Variants in HMBOX1 observed in about 807,000 individuals in gnomAD.
HMBOX1 encodes homeobox containing 1.
A neutral mutation model predicts 54.5 loss-of-function variants in HMBOX1; 14 were observed. That is an observed-to-expected ratio of 0.26 (90% CI 0.17 to 0.40). The LOEUF (loss-of-function observed/expected upper bound fraction) is 0.40, where lower values mean the gene tolerates loss of function less well. Among genes scored for constraint, HMBOX1 ranks in the 10% least tolerant of loss-of-function variants. The pLI is 1.00. For missense variants in HMBOX1, 332 were observed against 514.4 expected (o/e 0.65, Z 3.43); for synonymous variants, 160 against 181.0 (o/e 0.88, Z 0.93).
intron 1 of HMBOX1, among the ~76,000 whole-genome samples, chr8:28,931,506 A>T (rs1290433978): frequency 6.6e-6 from 1 of 152,076 alleles, no homozygotes; most frequent in Non-Finnish European, 1.5e-5. Flanking sequence ...TCTCAGTGGG[A>T]TAGAGTGAAA....
At chr8:29,032,021 G>T (rs1415184269) in intron 6 of HMBOX1, among the ~76,000 whole-genome samples, 1 of 152,224 alleles carries the variant, frequency 6.6e-6, no homozygotes, top group Non-Finnish European at 1.5e-5. Flanking sequence ...AGGCTGCTGA[G>T]TGTCTGCTCA....
chr8:29,018,509 A>G (rs1388917042), intron 5 of HMBOX1, among the ~76,000 whole-genome samples: 1 of 152,208 alleles, frequency 6.6e-6, no homozygotes, highest in Non-Finnish European at 1.5e-5. Context: ...TTTGTCTCCT[A>G]CCTGCATAAA....
chr8:29,049,505 C>T lies in HMBOX1; in HGVS notation c.1125+457C>T, dbSNP rs1031223297. The T allele has an allele frequency of 1.0e-5, 15 of 1,431,080 alleles. 1 individual carries two copies. Among genetic ancestry groups the T allele is most frequent in the Non-Finnish European group, 1.4e-5 (15 of 1,090,586 alleles). The allele number at this position is 1,431,080 out of a possible 1,614,324, so 88.6% of individuals were successfully genotyped here. On this transcript the variant is annotated intron_variant, in intron 9 of 9. Coordinates refer to ENST00000287701, the MANE Select transcript of HMBOX1 (RefSeq NM_001135726.3). ...AGGGCACGATGGAAGGCCCCACTCA[C>T]TCTGGCCCCACTGCAGTGGGAACCC...
chr8:29,026,829 T>C (rs1337179185), intron 6 of HMBOX1, among the ~76,000 whole-genome samples: 2 of 152,220 alleles, frequency 1.3e-5, no homozygotes, highest in African/African-American at 4.8e-5. Flanking sequence ...CTTCGTTAAC[T>C]CTAAAGTCTG....
chr8:29,020,623 C>T (rs112739907), intron 6 of HMBOX1, among the ~76,000 whole-genome samples: 2 of 152,062 alleles, frequency 1.3e-5, no homozygotes, highest in African/African-American at 4.8e-5. Flanking sequence ...TTTATGTTAC[C>T]TGGCACAACT....
At chr8:28,910,009 C>T (rs748007135) in intron 1 of HMBOX1, among the ~76,000 whole-genome samples, 1 of 152,156 alleles carries the variant, frequency 6.6e-6, no homozygotes, top group African/African-American at 2.4e-5. Context: ...CTTTCATCAC[C>T]TCCACAAGAA....
intron 1 of HMBOX1, among the ~76,000 whole-genome samples, chr8:28,939,131 T>C (rs1820903371): frequency 6.6e-6 from 1 of 151,596 alleles, no homozygotes; most frequent in Non-Finnish European, 1.5e-5. Context: ...CTCTACTAAA[T>C]ACAAAAAATT....
intron 6 of HMBOX1, chr8:29,042,745 A>C (rs1228660884): frequency 2.2e-6 from 1 of 455,396 alleles, no homozygotes; most frequent in Non-Finnish European, 4.4e-6. Context: ...GAAAAGCTAA[A>C]CAATCTAGTT....
At chr8:28,936,058 A>C (rs1820352655) in intron 1 of HMBOX1, among the ~76,000 whole-genome samples, 1 of 152,134 alleles carries the variant, frequency 6.6e-6, no homozygotes, top group Admixed American at 6.5e-5. Flanking sequence ...CATCATCACC[A>C]TTGTTATTAT....
At chr8:28,975,124 A>G (rs997484253) in intron 3 of HMBOX1, among the ~76,000 whole-genome samples, 8 of 152,192 alleles carry the variant, frequency 5.3e-5, no homozygotes, top group Non-Finnish European at 8.8e-5. Flanking sequence ...TTTTATCTCC[A>G]ACTACAGAAC....
intron 1 of HMBOX1, among the ~76,000 whole-genome samples, chr8:28,918,811 A>T (rs1817039457): frequency 6.6e-6 from 1 of 152,230 alleles, no homozygotes; most frequent in South Asian, 2.1e-4. Flanking sequence ...TTTCTGGAAC[A>T]TGAATAAACA....
chr8:28,954,597 T>C (rs147458955), intron 1 of HMBOX1, among the ~76,000 whole-genome samples: 3 of 152,314 alleles, frequency 2.0e-5, no homozygotes, highest in Non-Finnish European at 4.4e-5. Context: ...CACTAACATA[T>C]TGGATTCACA....
At position 29,009,708 on chromosome 8, in the gene HMBOX1, A is replaced by G. The variant is rs1458022968; in HGVS notation, c.697+526A>G. On this transcript the variant is annotated intron_variant, in intron 5 of 9. Transcript: ENST00000287701. ...GGATGCAGCTGCCCTGATGACTCCC[A>G]GGAGCAGCAGTAGATTGGGAAAGCA... 4 of 1,287,814 alleles carry G rather than the reference A, an allele frequency of 3.1e-6. No homozygotes were observed. The African/African-American group carries it at 4.6e-5, about 15-fold the overall frequency. 79.8% of individuals were successfully genotyped at this position (1,287,814 alleles called of 1,614,324 possible).
intron 4 of HMBOX1, among the ~76,000 whole-genome samples, chr8:29,005,468 AAT>A (rs1415394399): frequency 5.3e-5 from 8 of 152,216 alleles, no homozygotes; most frequent in African/African-American, 1.7e-4. Flanking sequence ...TATTCATAAA[AAT>A]ATATCTTTTC....
chr8:29,027,488 G>A (rs953183090), intron 6 of HMBOX1, among the ~76,000 whole-genome samples: 3 of 152,130 alleles, frequency 2.0e-5, no homozygotes, highest in African/African-American at 7.2e-5. Context: ...TTTGGAAACA[G>A]GTGTGTCTCT....
intron 8 of HMBOX1, 21 bp from the exon 9 acceptor site, chr8:29,048,932 GA>G (rs752716866): frequency 8.5e-6 from 13 of 1,525,912 alleles, no homozygotes; most frequent in Admixed American, 1.8e-5. Flanking sequence ...ATAATTTAGG[GA>G]TCTATTTGCT....
chr8:28,972,358 G>A (rs188259875), intron 3 of HMBOX1, among the ~76,000 whole-genome samples: 2 of 152,086 alleles, frequency 1.3e-5, no homozygotes, highest in Admixed American at 6.5e-5. Flanking sequence ...GACTGCAGGC[G>A]TGTGCCACCA....
intron 4 of HMBOX1, among the ~76,000 whole-genome samples, chr8:28,987,952 A>G (rs1830404213): frequency 6.6e-6 from 1 of 152,214 alleles, no homozygotes; most frequent in Non-Finnish European, 1.5e-5. Context: ...CTTTATTAAG[A>G]TAAAATTTAC....
At chr8:28,975,431 G>T (rs1427594686) in intron 3 of HMBOX1, among the ~76,000 whole-genome samples, 1 of 152,302 alleles carries the variant, frequency 6.6e-6, no homozygotes, top group East Asian at 1.9e-4. Flanking sequence ...CAACCAACAG[G>T]CATAACTGAT....
Sources: gnomAD v4.1 joint callset for allele counts (sites outside exome capture counted in the v4.1 genomes callset) on GRCh38, gnomAD v4.1.1 for gene constraint, MANE v1.5 for transcripts, NCBI Gene and HGNC (gene_info 2026-07-23, HGNC 2026-07-21) for gene names.